The following INAFM1 variants were observed in gnomAD, a reference collection of about 807,000 sequenced individuals.
The protein encoded by INAFM1 is putative transmembrane protein INAFM1.
Under a neutral mutation model 9.4 loss-of-function variants are expected in INAFM1, and 11 were observed. The observed-to-expected ratio is 1.17, with a 90% CI of 0.74 to 1.94. The LOEUF (loss-of-function observed/expected upper bound fraction) is 1.94. Ranked by LOEUF, INAFM1 falls within the 30% of genes most tolerant of loss-of-function variation. INAFM1 has a pLI of 0.00. For synonymous variants in INAFM1, 161 were observed against 109.5 expected (o/e 1.47, Z -2.94); for missense variants, 318 against 221.6 (o/e 1.44, Z -2.76).
In INAFM1 at chr19:47,274,946, CGGCGCCGAGAGCCCCGGA is replaced by C. The variant is rs760743176; in HGVS notation, c.33_50del (p.Glu12_Ala17del). On this transcript the variant is annotated inframe_deletion, in exon 1 of 1. Transcript: ENST00000552360. ...TGCGGGGGACCAGCTGCGTGGGCGG[CGGCGCCGAGAGCCCCGGA>C]GGCGCGGGGCTGAGCGAGGGCCCGC... 5.1e-5 allele frequency: 69 copies of C among 1,346,386 alleles called. No homozygotes were observed. In the East Asian group the frequency reaches 2.0e-3, roughly 39 times the overall value. 83.4% of individuals were successfully genotyped at this position (1,346,386 alleles called of 1,614,324 possible).
Position 47,275,250 on chromosome 19 carries a change from C to T in INAFM1, c.331C>T (p.Leu111=), listed in dbSNP as rs1055219. The change falls in exon 1 of 1, where the codon CTG becomes TTG. Residue 111 remains leucine, a synonymous_variant. Transcript: ENST00000552360. ...GCCGCGACCCCAGCTCCAGCTGCCG[C>T]TGAGCCGCCGCCGCCGCTACAGCGA... ...GGPRPQLQLP[L]SRRRRYSDPD... is the part of the protein sequence containing the mutation. 6.5e-7 allele frequency: 1 copy of T among 1,539,296 alleles called. No homozygotes were observed. The highest frequency in any genetic ancestry group is 1.2e-5 in the South Asian group (1 of 83,672).
At position 47,274,951 on chromosome 19, in the gene INAFM1, C is replaced by T; in HGVS notation, c.32C>T (p.Ala11Val). Reference protein sequence around the residue: MRGTSCVGGGAESPGGAGLSE... With the variant: MRGTSCVGGGVESPGGAGLSE... ...GGGACCAGCTGCGTGGGCGGCGGCG[C>T]CGAGAGCCCCGGAGGCGCGGGGCTG... Residue 11 changes from alanine to valine, a missense_variant, in exon 1 of 1, where the codon GCC becomes GTC. Ala to Val is a moderately conservative substitution (Grantham distance 64). Transcript: ENST00000552360. 1 of 1,368,262 alleles carries T rather than the reference C, an allele frequency of 7.3e-7. No homozygotes were observed. Among genetic ancestry groups the T allele is most frequent in the Non-Finnish European group, 9.3e-7 (1 of 1,069,868 alleles). 84.8% of individuals were successfully genotyped at this position (1,368,262 alleles called of 1,614,324 possible).
chr19:47,275,061 G>T lies in INAFM1; in HGVS notation c.142G>T (p.Ala48Ser). The change falls in exon 1 of 1, where the codon GCC becomes TCC. Residue 48 changes from alanine (A) to serine (S), a missense_variant. Transcript: ENST00000552360. ...LCVSLAAVLL[A>S]VYYGLIWVPT... ...CGTCTCGCTAGCTGCCGTGCTGCTC[G>T]CCGTGTACTACGGTCTCATCTGGGT... 6.7e-7 allele frequency: 1 copy of T among 1,494,450 alleles called. No individual in the cohort carries two copies. Among genetic ancestry groups the T allele is most frequent in the Non-Finnish European group, 8.9e-7 (1 of 1,125,678 alleles). 92.6% of individuals were successfully genotyped at this position (1,494,450 alleles called of 1,614,324 possible). A position where few individuals can be genotyped will look rare whatever the true frequency, so the allele number is the denominator to read the frequency against.
upstream of INAFM1, chr19:47,274,661 G>A (rs1284243506): frequency 1.6e-5 from 4 of 250,872 alleles, no homozygotes; most frequent in African/African-American, 5.4e-5. Context: ...GGTGATTGGG[G>A]TGGTGGGGCT....
chr19:47,274,948 G>GCGC lies in INAFM1; in HGVS notation c.32_34dup (p.Ala11dup). ...CGGGGGACCAGCTGCGTGGGCGGCG[G>GCGC]CGCCGAGAGCCCCGGAGGCGCGGGG... is the stretch of plus-strand genomic sequence containing the variant. On this transcript the variant is annotated inframe_insertion, in exon 1 of 1. Transcript: ENST00000552360. 1 of 1,361,854 alleles carries GCGC rather than the reference G, an allele frequency of 7.3e-7. No individual in the cohort carries two copies. Among genetic ancestry groups the GCGC allele is most frequent in the South Asian group, 1.8e-5 (1 of 55,810 alleles). The allele number at this position is 1,361,854 out of a possible 1,614,324, so 84.4% of individuals were successfully genotyped here.
At chr19:47,274,593 G>A (rs1483175378), upstream of INAFM1, 4 of 193,658 alleles carry the variant, frequency 2.1e-5, no homozygotes, top group Non-Finnish European at 2.0e-5. Flanking sequence ...CGGGCTAGAT[G>A]CCTGGGCTGG....
Position 47,275,695 on chromosome 19 carries a change from C to G in INAFM1, c.*347C>G, listed in dbSNP as rs549476220. 2.9e-6 allele frequency: 1 copy of G among 341,424 alleles called. No homozygotes were observed. The highest frequency in any genetic ancestry group is 5.6e-6 in the Non-Finnish European group (1 of 177,398). 21.1% of individuals were successfully genotyped at this position (341,424 alleles called of 1,614,324 possible). A position where few individuals can be genotyped will look rare whatever the true frequency, so the allele number is the denominator to read the frequency against. ...TGCAATAAACGACAGCCTCGGCTGC[C>G]TCGTGCTGTGTCTGTCCTGTTGTCT... On this transcript the variant is annotated 3_prime_UTR_variant, in exon 1 of 1. Transcript: ENST00000552360.
Position 47,275,376 on chromosome 19 carries a change from C to G in INAFM1, c.*28C>G. The G allele has an allele frequency of 1.3e-6, 2 of 1,529,482 alleles. No homozygotes were observed. Among genetic ancestry groups the G allele is most frequent in the South Asian group, 2.4e-5 (2 of 83,010 alleles). The allele number at this position is 1,529,482 out of a possible 1,614,324, so 94.7% of individuals were successfully genotyped here. A position where few individuals can be genotyped will look rare whatever the true frequency, so the allele number is the denominator to read the frequency against. On this transcript the variant is annotated 3_prime_UTR_variant, in exon 1 of 1. Coordinates refer to ENST00000552360, the MANE Select transcript of INAFM1 (RefSeq NM_178511.6). ...CTCCCTTCCACCCCAACCCGGATCG[C>G]CAGCCCTCGAGAGCTCTGTGCTCCA...
At position 47,275,262 on chromosome 19, in the gene INAFM1, C is replaced by A. The variant is rs1351018156; in HGVS notation, c.343C>A (p.Arg115Ser). The A allele has an allele frequency of 6.5e-7, 1 of 1,540,780 alleles. No individual in the cohort carries two copies. The highest frequency in any genetic ancestry group is 2.0e-5 in the Admixed American group (1 of 50,636). ...PQLQLPLSRR[R>S]RYSDPDRRPS... ...GCTCCAGCTGCCGCTGAGCCGCCGC[C>A]GCCGCTACAGCGACCCTGACCGCCG... Residue 115 changes from arginine to serine, a missense_variant, in exon 1 of 1, where the codon CGC (arginine) becomes AGC (serine). Arg to Ser is a moderately radical substitution (Grantham distance 110). Coordinates refer to ENST00000552360, the MANE Select transcript of INAFM1 (RefSeq NM_178511.6).
rs1428966928 is a variant in INAFM1 at position 47,275,281 on chromosome 19, AC to A, written c.364del (p.Arg122AlafsTer99). ...LSRRRRYSDP[D>X]RRPSRQTPRE... ...CGCCGCCGCCGCTACAGCGACCCTG[AC>A]CGCCGTCCGAGCCGCCAGACACCCA... On this transcript the variant is annotated frameshift_variant, in exon 1 of 1. Transcript: ENST00000552360. LOFTEE classifies it high-confidence loss of function. 3 of 1,545,336 alleles carry A rather than the reference AC, an allele frequency of 1.9e-6. No homozygotes were observed. The highest frequency in any genetic ancestry group is 1.2e-5 in the South Asian group (1 of 83,920).
In INAFM1 at chr19:47,274,982, G is replaced by A; in HGVS notation, c.63G>A (p.Glu21=). The part of the protein sequence containing the change: ...AESPGGAGLS[E]GPRGRWLRLA... ...GCCCCGGAGGCGCGGGGCTGAGCGAGGGCCCGCGGGGGCGCTGGCTGCGCT... is the reference window on the plus strand; with the variant it reads ...GCCCCGGAGGCGCGGGGCTGAGCGAAGGCCCGCGGGGGCGCTGGCTGCGCT... Residue 21 remains glutamate, a synonymous_variant, in exon 1 of 1, where the codon GAG becomes GAA. Transcript: ENST00000552360. 2.7e-6 allele frequency: 4 copies of A among 1,463,552 alleles called. No homozygotes were observed. The highest frequency in any genetic ancestry group is 3.6e-6 in the Non-Finnish European group (4 of 1,111,832). The allele number at this position is 1,463,552 out of a possible 1,614,324, so 90.7% of individuals were successfully genotyped here.
At position 47,274,994 on chromosome 19, in the gene INAFM1, G is replaced by T; in HGVS notation, c.75G>T (p.Gly25=). 6.8e-7 allele frequency: 1 copy of T among 1,470,262 alleles called. No homozygotes were observed. The highest frequency in any genetic ancestry group is 1.5e-5 in the African/African-American group (1 of 68,100). 91.1% of individuals were successfully genotyped at this position (1,470,262 alleles called of 1,614,324 possible). ...CGGGGCTGAGCGAGGGCCCGCGGGG[G>T]CGCTGGCTGCGCTTGGCTCCGGTAT... ...GGAGLSEGPR[G]RWLRLAPVCA... The change falls in exon 1 of 1, where the codon GGG becomes GGT. Residue 25 remains glycine (G), a synonymous_variant. Coordinates refer to ENST00000552360, the MANE Select transcript of INAFM1 (RefSeq NM_178511.6).
rs1285513347 is a variant in INAFM1 at position 47,275,116 on chromosome 19, G to A, written c.197G>A (p.Gly66Asp). Residue 66 changes from glycine (G) to aspartate (D), a missense_variant, in exon 1 of 1, where the codon GGC (glycine) becomes GAC (aspartate). By Grantham distance (94) the Gly-to-Asp change is moderately conservative. Coordinates refer to ENST00000552360, the MANE Select transcript of INAFM1 (RefSeq NM_178511.6). ...ACGCGGTCTCCCGCGGCACCCGCCGGCCCACAGCCCAGCGCGCCGTCCCCT... is the reference window on the plus strand; with the variant it reads ...ACGCGGTCTCCCGCGGCACCCGCCGACCCACAGCCCAGCGCGCCGTCCCCT... The part of the protein sequence containing the change: ...VPTRSPAAPA[G>D]PQPSAPSPPC... 5 of 1,491,348 alleles carry A rather than the reference G, an allele frequency of 3.4e-6. No individual in the cohort carries two copies. The highest frequency in any genetic ancestry group is 2.3e-5 in the Admixed American group (1 of 44,274). The allele number at this position is 1,491,348 out of a possible 1,614,324, so 92.4% of individuals were successfully genotyped here.
In INAFM1 at chr19:47,275,076, C is replaced by T. The variant is rs959576228; in HGVS notation, c.157C>T (p.Leu53Phe). ...AAVLLAVYYG[L>F]IWVPTRSPAA... ...CGTGCTGCTCGCCGTGTACTACGGT[C>T]TCATCTGGGTACCCACGCGGTCTCC... Residue 53 changes from leucine to phenylalanine, a missense_variant, in exon 1 of 1, where the codon CTC becomes TTC. Coordinates refer to ENST00000552360, the MANE Select transcript of INAFM1 (RefSeq NM_178511.6). The T allele has an allele frequency of 2.7e-6, 4 of 1,497,044 alleles. No homozygotes were observed. The highest frequency in any genetic ancestry group is 2.9e-5 in the African/African-American group (2 of 68,608). 92.7% of individuals were successfully genotyped at this position (1,497,044 alleles called of 1,614,324 possible).
upstream of INAFM1, chr19:47,274,710 G>C (rs2059145119): frequency 4.1e-6 from 1 of 246,456 alleles, no homozygotes. Context: ...GGGCGGGGTA[G>C]CACCTCCGCC....
chr19:47,274,849 G>A, upstream of INAFM1: 1 of 1,095,570 alleles, frequency 9.1e-7, no homozygotes, highest in Non-Finnish European at 1.1e-6. Flanking sequence ...GGCGGTCTGC[G>A]GGGTGGGGGC....
chr19:47,275,385 G>C lies in INAFM1; in HGVS notation c.*37G>C. On this transcript the variant is annotated 3_prime_UTR_variant, in exon 1 of 1. Transcript: ENST00000552360. ...ACCCCAACCCGGATCGCCAGCCCTC[G>C]AGAGCTCTGTGCTCCACGCCGAGGA... The C allele has an allele frequency of 6.6e-7, 1 of 1,526,454 alleles. No homozygotes were observed. The highest frequency in any genetic ancestry group is 1.4e-5 in the African/African-American group (1 of 69,930). 94.6% of individuals were successfully genotyped at this position (1,526,454 alleles called of 1,614,324 possible). A position where few individuals can be genotyped will look rare whatever the true frequency, so the allele number is the denominator to read the frequency against.
Position 47,274,896 on chromosome 19 carries a change from C to G in INAFM1, c.-24C>G. 1 of 1,259,958 alleles carries G rather than the reference C, an allele frequency of 7.9e-7. No homozygotes were observed. Among genetic ancestry groups the G allele is most frequent in the Non-Finnish European group, 9.9e-7 (1 of 1,014,204 alleles). The allele number at this position is 1,259,958 out of a possible 1,614,324, so 78.0% of individuals were successfully genotyped here. A position where few individuals can be genotyped will look rare whatever the true frequency, so the allele number is the denominator to read the frequency against. On this transcript the variant is annotated 5_prime_UTR_variant, in exon 1 of 1. Coordinates refer to ENST00000552360, the MANE Select transcript of INAFM1 (RefSeq NM_178511.6). ...GGGGCGGGGCCTGTGCGGTCTGCGG[C>G]GCGGAGCCGAGTGGGCTGCGGGGAT...
At chr19:47,274,858 G>A, upstream of INAFM1, 1 of 1,127,174 alleles carries the variant, frequency 8.9e-7, no homozygotes, top group Non-Finnish European at 1.1e-6. Context: ...CGGGGTGGGG[G>A]CGGGGCCTGG....
Sources: gnomAD v4.1 joint callset for allele counts on GRCh38, gnomAD v4.1.1 for gene constraint, MANE v1.5 for transcripts, NCBI Gene and HGNC (gene_info 2026-07-23, HGNC 2026-07-21) for gene names.